Variants in CDK14 observed in about 807,000 individuals in gnomAD.
CDK14 encodes cyclin-dependent kinase 14.
Under a neutral mutation model 60.7 loss-of-function variants are expected in CDK14, and 34 were observed. The ratio of observed to expected loss-of-function variants is 0.56; its 90% confidence interval spans 0.43 to 0.75. The LOEUF (loss-of-function observed/expected upper bound fraction) is 0.75. CDK14 is among the 30% of genes least tolerant of loss of function. The pLI, the probability that CDK14 is intolerant of heterozygous loss-of-function variation, is 0.00. For synonymous variants in CDK14, 197 were observed against 203.7 expected, an observed-to-expected ratio of 0.97 and a Z score of 0.28; for missense variants, 482 against 564.1, an observed-to-expected ratio of 0.85 and a Z score of 1.47.
At chr7:90,918,999 T>A (rs924027532) in intron 8 of CDK14, among the ~76,000 whole-genome samples, 1 of 152,200 alleles carries the variant, frequency 6.6e-6, no homozygotes, top group African/African-American at 2.4e-5. Context: ...TGCCAGATTT[T>A]AACATTGGAA....
chr7:90,696,338 T>TCTTCTTATTC (rs61542847), intron 2 of CDK14, among the ~76,000 whole-genome samples: 1 of 99,548 alleles, frequency 1.0e-5, no homozygotes. Context: ...TTCTTCTTCT[T>TCTTCTTATTC]TTTTTTTTTT....
At chr7:91,170,860 G>A (rs1434038762) in intron 14 of CDK14, among the ~76,000 whole-genome samples, 3 of 148,378 alleles carry the variant, frequency 2.0e-5, no homozygotes, top group Non-Finnish European at 3.0e-5. Context: ...TCCACCTCCC[G>A]GGTTCAAGTG....
At chr7:91,105,800 G>T (rs1317364907) in intron 12 of CDK14, among the ~76,000 whole-genome samples, 1 of 152,076 alleles carries the variant, frequency 6.6e-6, no homozygotes, top group African/African-American at 2.4e-5. Context: ...AAATGTTGTA[G>T]TAAAGAAATA....
At chr7:90,680,683 G>A (rs546700879) in intron 2 of CDK14, among the ~76,000 whole-genome samples, 1 of 152,294 alleles carries the variant, frequency 6.6e-6, no homozygotes, top group South Asian at 2.1e-4. Flanking sequence ...TGCATAATAT[G>A]TAGCGATTCA....
chr7:90,798,378 A>C (rs926067123), intron 5 of CDK14, among the ~76,000 whole-genome samples: 1 of 152,182 alleles, frequency 6.6e-6, no homozygotes, highest in African/African-American at 2.4e-5. Context: ...CTGGAAGTCC[A>C]GACACAATAA....
At chr7:90,761,797 G>A (rs1220128454) in intron 4 of CDK14, among the ~76,000 whole-genome samples, 1 of 152,150 alleles carries the variant, frequency 6.6e-6, no homozygotes, top group African/African-American at 2.4e-5. Context: ...CTTAAGAAAT[G>A]CATGGAGGCA....
chr7:90,664,794 TG>T (rs1263763528), intron 2 of CDK14, among the ~76,000 whole-genome samples: 1 of 48,662 alleles, frequency 2.1e-5, no homozygotes, highest in Admixed American at 2.5e-4. Flanking sequence ...TGTTGTGGGG[TG>T]GGGGGAAGGG....
rs6963201 is a variant in CDK14, at chr7:90,749,236, G to C, written c.464+1461G>C. On this transcript the variant is annotated intron_variant, in intron 4 of 14. Transcript: ENST00000380050. Reference sequence around the variant, plus strand: ...GGCCTTTGGAGCACCCGCTTGCCTCGTTCTATATCTTGAGCTGCCCCACCC... The same window carrying C: ...GGCCTTTGGAGCACCCGCTTGCCTCCTTCTATATCTTGAGCTGCCCCACCC... 2.0e-5 allele frequency among the ~76,000 whole-genome samples: 3 copies of C among 151,694 alleles called. No homozygotes were observed. The East Asian group carries it at 5.8e-4, about 30-fold the overall frequency.
intron 11 of CDK14, among the ~76,000 whole-genome samples, chr7:91,055,946 G>A (rs1179472794): frequency 6.6e-6 from 1 of 152,102 alleles, no homozygotes; most frequent in Non-Finnish European, 1.5e-5. Context: ...GTAACCTAAT[G>A]TTTTATGTTT....
intron 14 of CDK14, among the ~76,000 whole-genome samples, chr7:91,198,335 A>G (rs1802616710): frequency 6.6e-6 from 1 of 152,212 alleles, no homozygotes; most frequent in Non-Finnish European, 1.5e-5. Flanking sequence ...GAAAAGCAGT[A>G]AAAATTAAAA....
chr7:90,944,075 G>A (rs1794020740), intron 8 of CDK14, among the ~76,000 whole-genome samples: 1 of 152,130 alleles, frequency 6.6e-6, no homozygotes, highest in Non-Finnish European at 1.5e-5. Context: ...TTGCCCTTTT[G>A]TACGTGCACA....
At chr7:91,160,180 A>G (rs967661876) in intron 14 of CDK14, among the ~76,000 whole-genome samples, 1 of 152,214 alleles carries the variant, frequency 6.6e-6, no homozygotes, top group African/African-American at 2.4e-5. Context: ...ATGAAAGAAA[A>G]TGAAAAATAA....
chr7:91,088,561 TTA>T (rs1000227694), intron 12 of CDK14, among the ~76,000 whole-genome samples: 7 of 142,258 alleles, frequency 4.9e-5, no homozygotes, highest in Admixed American at 2.2e-4. Context: ...CTCATAGAGT[TTA>T]TATATATGTG....
intron 2 of CDK14, among the ~76,000 whole-genome samples, chr7:90,610,580 C>G (rs760635045): frequency 2.0e-4 from 30 of 152,322 alleles, no homozygotes; most frequent in Non-Finnish European, 3.8e-4. Context: ...TCTCACAGTT[C>G]TGGAGACCAG....
chr7:90,679,009 G>A (rs1387228358), intron 2 of CDK14, among the ~76,000 whole-genome samples: 1 of 152,098 alleles, frequency 6.6e-6, no homozygotes, highest in East Asian at 1.9e-4. Flanking sequence ...GAGTGTAGTA[G>A]TGCAAACAAG....
intron 2 of CDK14, among the ~76,000 whole-genome samples, chr7:90,663,874 A>G (rs1480918813): frequency 1.3e-5 from 2 of 152,086 alleles, no homozygotes; most frequent in Non-Finnish European, 2.9e-5. Context: ...CTTTTCACAT[A>G]TTTTATATTT....
At chr7:91,051,393 T>A (rs541644498) in intron 11 of CDK14, among the ~76,000 whole-genome samples, 85 of 152,374 alleles carry the variant, frequency 5.6e-4, no homozygotes, top group Non-Finnish European at 1.2e-3. Flanking sequence ...TTAAAAGAAA[T>A]GGAAAATGGG....
chr7:90,901,670 A>ATATG lies in CDK14; in HGVS notation c.702+2321_702+2324dup, dbSNP rs1792508705. Among the ~76,000 whole-genome samples the ATATG allele has an allele frequency of 9.9e-5, 6 of 60,694 alleles. 1 individual carries two copies. The South Asian group carries it at 5.0e-3, about 50-fold the overall frequency. The allele number at this position is 60,694 out of a possible 152,430, so 39.8% of individuals were successfully genotyped here. A position where few individuals can be genotyped will look rare whatever the true frequency, so the allele number is the denominator to read the frequency against. On this transcript the variant is annotated intron_variant, in intron 7 of 14. Transcript: ENST00000380050. ...GCAGTAGAGTCACCTGGCAAGCTTT[A>ATATG]TATGTATATATATATATATACACAC...
At chr7:90,914,631 A>C (rs1793014360) in intron 7 of CDK14, among the ~76,000 whole-genome samples, 1 of 152,144 alleles carries the variant, frequency 6.6e-6, no homozygotes. Flanking sequence ...TTAGAATTTT[A>C]GTGTATAGTG....
Sources: gnomAD v4.1 joint callset for allele counts (sites outside exome capture counted in the v4.1 genomes callset) on GRCh38, gnomAD v4.1.1 for gene constraint, MANE v1.5 for transcripts, NCBI Gene and HGNC (gene_info 2026-07-23, HGNC 2026-07-21) for gene names.